SPATA20: variants seen among roughly 807,000 people sequenced by gnomAD.
SPATA20 encodes spermatogenesis associated 20.
In SPATA20, 74 loss-of-function variants were observed where a neutral mutation model predicts 98.9. That is an observed-to-expected ratio of 0.75 (90% CI 0.62 to 0.91). SPATA20 has a LOEUF of 0.91. Ranked by LOEUF, SPATA20 falls within the 40% of genes least tolerant of loss-of-function variation. SPATA20 has a pLI of 0.00. For synonymous variants in SPATA20, 430 were observed against 440.5 expected (o/e 0.98, Z 0.30); for missense variants, 1,016 against 1,069.8 (o/e 0.95, Z 0.70).
chr17:50,551,165 C>A lies in SPATA20; in HGVS notation c.1551C>A (p.Asp517Glu), dbSNP rs1470765691. Residue 517 changes from aspartate to glutamate, a missense_variant, in exon 12 of 17, where the codon GAC (aspartate) becomes GAA (glutamate). By Grantham distance (45) the Asp-to-Glu change is conservative. Coordinates refer to ENST00000006658, the MANE Select transcript of SPATA20 (RefSeq NM_022827.4). ...ARKHRPKPHL[D>E]SKMLAAWNGL... Reference sequence around the variant, plus strand: ...AGCATCGGCCCAAGCCGCACCTGGACAGCAAGATGCTGGCTGCCTGGAATG... The same window carrying A: ...AGCATCGGCCCAAGCCGCACCTGGAAAGCAAGATGCTGGCTGCCTGGAATG... 2 of 1,609,848 alleles carry A rather than the reference C, an allele frequency of 1.2e-6. No homozygotes were observed. Among genetic ancestry groups the A allele is most frequent in the Non-Finnish European group, 1.7e-6 (2 of 1,178,880 alleles).
chr17:50,549,330 C>T lies in SPATA20; in HGVS notation c.705C>T (p.Val235=). 6 of 1,612,554 alleles carry T rather than the reference C, an allele frequency of 3.7e-6. No homozygotes were observed. Among genetic ancestry groups the T allele is most frequent in the Non-Finnish European group, 5.1e-6 (6 of 1,179,928 alleles). Residue 235 remains valine (V), a synonymous_variant, in exon 7 of 17, where the codon GTC becomes GTT. Transcript: ENST00000006658. ...KNTLLENSQR[V]TTALLARSEI... is the part of the protein sequence containing the mutation. ...CCCTGCTAGAAAATAGCCAGCGTGT[C>T]ACCACTGCCCTGCTGGCCCGATCAG...
At chr17:50,547,836 G>C (rs2034938643) in intron 2 of SPATA20, 69 bp downstream of exon 2, 1 of 894,290 alleles carries the variant, frequency 1.1e-6, no homozygotes, top group Non-Finnish European at 1.9e-6. Context: ...TCGAGTCCCA[G>C]ACCCTACTGA....
In SPATA20 at chr17:50,551,669, G is replaced by A. The variant is rs1358490322; in HGVS notation, c.1735G>A (p.Val579Met). 6.3e-7 allele frequency: 1 copy of A among 1,588,394 alleles called. No homozygotes were observed. The change falls in exon 13 of 17, where the codon GTG (valine) becomes ATG (methionine). Residue 579 changes from valine to methionine, a missense_variant. Physicochemically the swap from Val to Met is conservative, Grantham distance 21 (BLOSUM62 1). Transcript: ENST00000006658. ...RTCYTGPGGT[V>M]EHSNPPCWGF... ...CTGCTACACCGGCCCTGGGGGGACTGTGGAGCACAGGTTGGGGGCTGGGTA... is the reference window on the plus strand; with the variant it reads ...CTGCTACACCGGCCCTGGGGGGACTATGGAGCACAGGTTGGGGGCTGGGTA...
At chr17:50,547,306 C>T in intron 1 of SPATA20, 21 bp downstream of exon 1, 1 of 1,405,778 alleles carries the variant, frequency 7.1e-7, no homozygotes, top group Non-Finnish European at 9.2e-7. Context: ...GCGAGCGGGC[C>T]CCTAGGGCAC....
chr17:50,555,562 G>A lies in SPATA20; in HGVS notation c.2309G>A (p.Arg770Gln), dbSNP rs1299933238. 2.7e-5 allele frequency: 43 copies of A among 1,613,930 alleles called. No individual in the cohort carries two copies. The highest frequency in any genetic ancestry group is 3.2e-5 in the Non-Finnish European group (38 of 1,179,996). Residue 770 changes from arginine to glutamine, a missense_variant, in exon 17 of 17, where the codon CGA becomes CAA. By Grantham distance (43) the Arg-to-Gln change is conservative. Coordinates refer to ENST00000006658, the MANE Select transcript of SPATA20 (RefSeq NM_022827.4). ...SRQLPFLSTLRRLEDQATAYV... is the reference protein window; with the variant it reads ...SRQLPFLSTLQRLEDQATAYV... ...CAGCTGCCTTTCCTGAGTACCCTCC[G>A]ACGGTTGGAAGACCAGGCCACTGCA...
chr17:50,551,860 AGGGTTCATCTGGAG>A, intron 13 of SPATA20, 95 bp from the exon 14 acceptor site: 1 of 1,233,560 alleles, frequency 8.1e-7, no homozygotes, highest in Non-Finnish European at 1.1e-6. Flanking sequence ...CCTGCCCAAG[AGGGTTCATCTGGAG>A]GGTTAAGTGA....
In SPATA20 at chr17:50,555,802, C is replaced by A. The variant is rs1472088721; in HGVS notation, c.*140C>A. On this transcript the variant is annotated 3_prime_UTR_variant, in exon 17 of 17. Coordinates refer to ENST00000006658, the MANE Select transcript of SPATA20 (RefSeq NM_022827.4). Reference sequence around the variant, plus strand: ...GTGACCTCGGCCATACTCACTGCCCCCCTTGGGCACCCACTCACCCTAGAA... The same window carrying A: ...GTGACCTCGGCCATACTCACTGCCCACCTTGGGCACCCACTCACCCTAGAA... 4.5e-6 allele frequency: 3 copies of A among 663,736 alleles called. No individual in the cohort carries two copies. The South Asian group carries it at 6.0e-5, about 13-fold the overall frequency. 41.1% of individuals were successfully genotyped at this position (663,736 alleles called of 1,614,324 possible).
Position 50,554,215 on chromosome 17 carries a change from C to T in SPATA20, c.1958-36C>T, listed in dbSNP as rs745801086. On this transcript the variant is annotated intron_variant, in intron 14 of 16. Transcript: ENST00000006658. Reference sequence around the variant, plus strand: ...AGGGTCCTGGGACTCAGTGACCTGCCCTTACCCCCACCCCCTGCCTCCCTA... The same window carrying T: ...AGGGTCCTGGGACTCAGTGACCTGCTCTTACCCCCACCCCCTGCCTCCCTA... The T allele has an allele frequency of 6.9e-6, 11 of 1,601,512 alleles. No individual in the cohort carries two copies. In the Admixed American group the frequency reaches 1.0e-4, roughly 15 times the overall value.
At position 50,555,589 on chromosome 17, in the gene SPATA20, ATGTG is replaced by A; in HGVS notation, c.2341_2344del (p.Cys781ArgfsTer38). ...CGGTTGGAAGACCAGGCCACTGCAT[ATGTG>A]TGTGAGAATCAAGCCTGCTCAGTGC... is the stretch of plus-strand genomic sequence containing the variant. On this transcript the variant is annotated frameshift_variant, in exon 17 of 17. Transcript: ENST00000006658. LOFTEE classifies it high-confidence loss of function. The A allele has an allele frequency of 1.2e-6, 2 of 1,613,948 alleles. No individual in the cohort carries two copies. Among genetic ancestry groups the A allele is most frequent in the Non-Finnish European group, 1.7e-6 (2 of 1,179,952 alleles).
At chr17:50,555,360 C>T in intron 16 of SPATA20, 48 bp downstream of exon 16, 3 of 1,594,134 alleles carry the variant, frequency 1.9e-6, no homozygotes, top group Non-Finnish European at 2.6e-6. Context: ...GAGCTGCCCC[C>T]TCCCATCCTC....
Position 50,550,859 on chromosome 17 carries a change from G to T in SPATA20, c.1325G>T (p.Gly442Val), listed in dbSNP as rs769732740. 1 of 1,612,984 alleles carries T rather than the reference G, an allele frequency of 6.2e-7. No individual in the cohort carries two copies. The highest frequency in any genetic ancestry group is 1.3e-5 in the African/African-American group (1 of 74,954). ...GGTGCCACCGAGCCGCTGACCTCAG[G>T]CCAGCTCCTCATGAAGCACTACGGC... ...VLGATEPLTSGQLLMKHYGLT... is the reference protein window; with the variant it reads ...VLGATEPLTSVQLLMKHYGLT... Residue 442 changes from glycine (G) to valine (V), a missense_variant, in exon 11 of 17, where the codon GGC becomes GTC. By Grantham distance (109) the Gly-to-Val change is moderately radical. Transcript: ENST00000006658.
chr17:50,547,177 C>T lies in SPATA20; in HGVS notation c.-32C>T. On this transcript the variant is annotated 5_prime_UTR_variant, in exon 1 of 17. Coordinates refer to ENST00000006658, the MANE Select transcript of SPATA20 (RefSeq NM_022827.4). ...CAGCCTCCTGACTTCCCTTCCTGTCCTCAGCGGCCGGGCCCACGGCCCCGA... is the reference window on the plus strand; with the variant it reads ...CAGCCTCCTGACTTCCCTTCCTGTCTTCAGCGGCCGGGCCCACGGCCCCGA... 2.8e-6 allele frequency: 4 copies of T among 1,411,888 alleles called. No homozygotes were observed. The highest frequency in any genetic ancestry group is 3.0e-5 in the East Asian group (1 of 32,920). The allele number at this position is 1,411,888 out of a possible 1,614,324, so 87.5% of individuals were successfully genotyped here.
rs1337243543 is a variant in SPATA20 at position 50,552,155 on chromosome 17, T to A, written c.1932T>A (p.Ala644=). 6.2e-7 allele frequency: 1 copy of A among 1,613,684 alleles called. No individual in the cohort carries two copies. The highest frequency in any genetic ancestry group is 1.7e-5 in the Admixed American group (1 of 60,020). Residue 644 remains alanine, a synonymous_variant, in exon 14 of 17, where the codon GCT becomes GCA. Transcript: ENST00000006658. ...GYFCSEAELG[A]GLPLRLKDDQ... ...TCTGCAGTGAGGCTGAGCTGGGGGC[T>A]GGCCTGCCCCTGCGTCTGAAGGACG...
intron 4 of SPATA20, 39 bp from the exon 5 acceptor site, chr17:50,548,771 G>C: frequency 4.4e-6 from 7 of 1,598,784 alleles, no homozygotes; most frequent in Non-Finnish European, 6.0e-6. Context: ...CCTCTGACCC[G>C]TTGCTGGCCC....
chr17:50,555,730 C>T lies in SPATA20; in HGVS notation c.*68C>T, dbSNP rs550226313. The T allele has an allele frequency of 3.0e-4, 435 of 1,446,690 alleles. 5 individuals are homozygous for T. In the South Asian group the frequency reaches 5.3e-3, roughly 18 times the overall value. 89.6% of individuals were successfully genotyped at this position (1,446,690 alleles called of 1,614,324 possible). ...CAACTGACTAGAGACTCAGGCCCTG[C>T]AGGGCCCTATAGAACCTGTGGCCAT... On this transcript the variant is annotated 3_prime_UTR_variant, in exon 17 of 17. Transcript: ENST00000006658.
intron 9 of SPATA20, 25 bp from the exon 10 acceptor site, chr17:50,550,511 C>T: frequency 6.2e-7 from 1 of 1,609,844 alleles, no homozygotes. Flanking sequence ...TCTCTGTTCA[C>T]AGTCTCCTTT....
In SPATA20 at chr17:50,550,997, G is replaced by C. The variant is rs373467177; in HGVS notation, c.1384-1G>C. 2.4e-5 allele frequency: 38 copies of C among 1,613,062 alleles called. No individual in the cohort carries two copies. The African/African-American group carries it at 4.9e-4, about 21-fold the overall frequency. ...TCGCAGACAAAGGCCATTCTCCTCA[G>C]GACCCCAAGGGGGAGCTGCAGGGCC... On this transcript the variant is annotated splice_acceptor_variant, in intron 11 of 16. Coordinates refer to ENST00000006658, the MANE Select transcript of SPATA20 (RefSeq NM_022827.4). LOFTEE classifies it high-confidence loss of function.
rs774794902 is a variant in SPATA20 at position 50,550,218 on chromosome 17, G to A, written c.1004G>A (p.Arg335His). The change falls in exon 9 of 17, where the codon CGC becomes CAC. Residue 335 changes from arginine (R) to histidine (H), a missense_variant. Physicochemically the swap from Arg to His is conservative, Grantham distance 29. Transcript: ENST00000006658. ...IRDHVGQGFH[R>H]YSTDRQWHVP... is the part of the protein sequence containing the mutation. ...TTTGTATCCGCACAGGGCTTTCACC[G>A]CTACTCCACAGACCGCCAGTGGCAC... The A allele has an allele frequency of 4.8e-5, 78 of 1,612,350 alleles. No homozygotes were observed. The highest frequency in any genetic ancestry group is 6.3e-5 in the Non-Finnish European group (74 of 1,179,436).
chr17:50,548,012 C>T, intron 2 of SPATA20: 1 of 1,475,362 alleles, frequency 6.8e-7, no homozygotes, highest in Middle Eastern at 1.8e-4. Flanking sequence ...GTGACCCGCC[C>T]TGACCTCACA....
Sources: gnomAD v4.1 joint callset for allele counts on GRCh38, gnomAD v4.1.1 for gene constraint, MANE v1.5 for transcripts, NCBI Gene and HGNC (gene_info 2026-07-23, HGNC 2026-07-21) for gene names.